The following SCAF11 variants were observed in gnomAD, a reference collection of about 807,000 sequenced individuals.
SCAF11 encodes the protein protein SCAF11.
Under a neutral mutation model 140.5 loss-of-function variants are expected in SCAF11, and 47 were observed. The ratio of observed to expected loss-of-function variants is 0.33; its 90% confidence interval spans 0.26 to 0.43. The LOEUF (loss-of-function observed/expected upper bound fraction) is 0.43, where lower values mean the gene tolerates loss of function less well. Among genes scored for constraint, SCAF11 ranks in the 20% least tolerant of loss-of-function variants. SCAF11 has a pLI of 1.00. For synonymous variants in SCAF11, 557 were observed against 579.4 expected, an observed-to-expected ratio of 0.96 and a Z score of 0.55; for missense variants, 1,645 against 1,705.1, an observed-to-expected ratio of 0.96 and a Z score of 0.62.
chr12:45,978,708 T>C (rs1447306682), intron 1 of SCAF11, among the ~76,000 whole-genome samples: 1 of 152,112 alleles, frequency 6.6e-6, no homozygotes, highest in African/African-American at 2.4e-5. Flanking sequence ...AACTGTCAAC[T>C]ATATTTTTAC....
chr12:45,928,338 C>G lies in SCAF11; in HGVS notation c.1363G>C (p.Glu455Gln). 6.2e-7 allele frequency: 1 copy of G among 1,614,096 alleles called. No homozygotes were observed. The highest frequency in any genetic ancestry group is 8.5e-7 in the Non-Finnish European group (1 of 1,180,012). ...TTTGCAGTATGCTTCTCACTTTCTTCTATTTGCTCATTGCAACTTTTCAAG... is the reference window on the plus strand; with the variant it reads ...TTTGCAGTATGCTTCTCACTTTCTTGTATTTGCTCATTGCAACTTTTCAAG... ...NCLKSCNEQIEESEKHTANYD... is the reference protein window; with the variant it reads ...NCLKSCNEQIQESEKHTANYD... Residue 455 changes from glutamate to glutamine, a missense_variant, in exon 11 of 15, where the codon GAA becomes CAA. Glu to Gln is a conservative substitution (Grantham distance 29). Around this residue, in one of 2 missense-constraint regions of SCAF11, gnomAD observed 1,582 missense variants for 1,609.2 expected, o/e 0.98. Transcript: ENST00000369367.
chr12:45,942,993 C>G (rs1017019391), intron 6 of SCAF11, among the ~76,000 whole-genome samples: 1 of 152,084 alleles, frequency 6.6e-6, no homozygotes, highest in African/African-American at 2.4e-5. Flanking sequence ...TTTGCTTCTC[C>G]GAGTATGAAC....
Position 45,926,969 on chromosome 12 carries a change from C to G in SCAF11, c.2732G>C (p.Ser911Thr). Reference protein sequence around the residue: ...SSPGEKSRSQSRERESDRDGQ... With the variant: ...SSPGEKSRSQTRERESDRDGQ... ...ATCTCTATCACTTTCTCGTTCTCTG[C>G]TCTGGGACCTGGATTTTTCTCCTGG... The change falls in exon 11 of 15, where the codon AGC (serine) becomes ACC (threonine). Residue 911 changes from serine to threonine, a missense_variant. Around this residue, in one of 2 missense-constraint regions of SCAF11, gnomAD observed 1,582 missense variants for 1,609.2 expected, o/e 0.98. Coordinates refer to ENST00000369367, the MANE Select transcript of SCAF11 (RefSeq NM_004719.3). 1 of 1,612,708 alleles carries G rather than the reference C, an allele frequency of 6.2e-7. No homozygotes were observed. Among genetic ancestry groups the G allele is most frequent in the South Asian group, 1.1e-5 (1 of 91,080 alleles).
intron 6 of SCAF11, among the ~76,000 whole-genome samples, chr12:45,941,120 A>T (rs946504586): frequency 6.6e-6 from 1 of 152,244 alleles, no homozygotes; most frequent in Non-Finnish European, 1.5e-5. Flanking sequence ...GGAGTCAAGC[A>T]TAAATAAACA....
upstream of SCAF11, among the ~76,000 whole-genome samples, chr12:45,991,361 TC>T (rs1741603247): frequency 6.6e-6 from 1 of 152,156 alleles, no homozygotes; most frequent in South Asian, 2.1e-4. Context: ...GCTCAGCAGT[TC>T]GAGACCAGCT....
chr12:45,977,853 C>T (rs1285350877), intron 1 of SCAF11, among the ~76,000 whole-genome samples: 4 of 152,086 alleles, frequency 2.6e-5, no homozygotes, highest in African/African-American at 9.7e-5. Context: ...ATAACCTGTA[C>T]AGACACAGAG....
intron 3 of SCAF11, chr12:45,954,660 C>A (rs1175433040): frequency 2.7e-5 from 4 of 150,710 alleles, no homozygotes; most frequent in African/African-American, 9.8e-5. Context: ...GGCTTGAACT[C>A]CTGGGGCTCA....
chr12:45,992,048 T>C, upstream of SCAF11: 1 of 1,288,542 alleles, frequency 7.8e-7, no homozygotes, highest in Non-Finnish European at 1.0e-6. Flanking sequence ...ACTGCCGCCT[T>C]CCTGCATTCT....
At chr12:45,971,136 G>T (rs932954547) in intron 1 of SCAF11, among the ~76,000 whole-genome samples, 1 of 152,102 alleles carries the variant, frequency 6.6e-6, no homozygotes, top group Admixed American at 6.5e-5. Context: ...TCTAAAAAAA[G>T]AATTAATTTT....
At chr12:45,971,514 C>T (rs933256954) in intron 1 of SCAF11, among the ~76,000 whole-genome samples, 2 of 152,178 alleles carry the variant, frequency 1.3e-5, no homozygotes, top group African/African-American at 4.8e-5. Flanking sequence ...AAGTTTACCA[C>T]CTTTTCTCCA....
At position 45,938,732 on chromosome 12, in the gene SCAF11, A is replaced by C. The variant is rs139174627; in HGVS notation, c.464-4227T>G. The stretch of plus-strand genomic sequence containing the variant: ...TTTGTACGATACAAACAAGTATAAT[A>C]AAGGCTCTGAGCTTAGAACCCAGTA... On this transcript the variant is annotated intron_variant, in intron 6 of 14. Coordinates refer to ENST00000369367, the MANE Select transcript of SCAF11 (RefSeq NM_004719.3). 6.1e-4 allele frequency among the ~76,000 whole-genome samples: 92 copies of C among 151,556 alleles called. No homozygotes were observed. In the East Asian group the frequency reaches 0.017, roughly 28 times the overall value.
Position 45,922,037 on chromosome 12 carries a change from C to T in SCAF11, c.*11G>A, listed in dbSNP as rs771679383. Reference sequence around the variant, plus strand: ...GATATCCTGATAATGTCCTTGACAGCGTTCCCCATTTCAGCCTATGTTTTT... The same window carrying T: ...GATATCCTGATAATGTCCTTGACAGTGTTCCCCATTTCAGCCTATGTTTTT... On this transcript the variant is annotated 3_prime_UTR_variant, in exon 15 of 15. Coordinates refer to ENST00000369367, the MANE Select transcript of SCAF11 (RefSeq NM_004719.3). 8 of 1,605,806 alleles carry T rather than the reference C, an allele frequency of 5.0e-6. No individual in the cohort carries two copies. Among genetic ancestry groups the T allele is most frequent in the African/African-American group, 2.7e-5 (2 of 74,196 alleles).
chr12:45,954,462 C>T (rs1019423020), intron 3 of SCAF11, among the ~76,000 whole-genome samples: 2 of 152,038 alleles, frequency 1.3e-5, no homozygotes, highest in South Asian at 4.1e-4. Context: ...GTCTTGGACT[C>T]CTGGGCTTAA....
chr12:45,979,608 T>C (rs946651193), intron 1 of SCAF11, among the ~76,000 whole-genome samples: 2 of 152,158 alleles, frequency 1.3e-5, no homozygotes, highest in Non-Finnish European at 2.9e-5. Flanking sequence ...GTAGTTATTA[T>C]AAAACCAAGA....
chr12:45,984,767 C>A (rs1592230439), intron 1 of SCAF11, among the ~76,000 whole-genome samples: 2 of 151,260 alleles, frequency 1.3e-5, no homozygotes, highest in South Asian at 4.2e-4. Flanking sequence ...TGATCTTGGC[C>A]CACTGCAAAC....
At position 45,921,146 on chromosome 12, in the gene SCAF11, C is replaced by A. The variant is rs1398417093; in HGVS notation, c.*902G>T. 1 of 152,212 alleles carries A rather than the reference C, an allele frequency of 6.6e-6. No individual in the cohort carries two copies. Among genetic ancestry groups the A allele is most frequent in the East Asian group, 1.9e-4 (1 of 5,192 alleles). 9.4% of individuals were successfully genotyped at this position (152,212 alleles called of 1,614,324 possible). A position where few individuals can be genotyped will look rare whatever the true frequency, so the allele number is the denominator to read the frequency against. On this transcript the variant is annotated 3_prime_UTR_variant, in exon 15 of 15. Coordinates refer to ENST00000369367, the MANE Select transcript of SCAF11 (RefSeq NM_004719.3). ...TACAGGCGCCCACCACCACGCCTGG[C>A]TAATTTTTGTATTTTTAGTAGAGAC...
intron 1 of SCAF11, among the ~76,000 whole-genome samples, chr12:45,982,149 G>C (rs186134877): frequency 1.6e-3 from 241 of 152,066 alleles, no homozygotes; most frequent in Non-Finnish European, 3.1e-3. Flanking sequence ...AAGCTATTTC[G>C]TTTCATCCAT....
At chr12:45,981,525 GAATA>G (rs1946350633) in intron 1 of SCAF11, among the ~76,000 whole-genome samples, 1 of 152,146 alleles carries the variant, frequency 6.6e-6, no homozygotes, top group African/African-American at 2.4e-5. Flanking sequence ...ATTTTCTGAG[GAATA>G]AATATAATCC....
At chr12:45,985,439 A>T (rs931927091) in intron 1 of SCAF11, among the ~76,000 whole-genome samples, 1 of 152,068 alleles carries the variant, frequency 6.6e-6, no homozygotes, top group Non-Finnish European at 1.5e-5. Flanking sequence ...AGATTTTACC[A>T]TTCTGTTTGA....
Sources: gnomAD v4.1 joint callset for allele counts (sites outside exome capture counted in the v4.1 genomes callset) on GRCh38, gnomAD v4.1.1 for gene constraint, gnomAD v4.1.1 regional missense constraint, MANE v1.5 for transcripts, NCBI Gene and HGNC (gene_info 2026-07-23, HGNC 2026-07-21) for gene names.